Variants in TTC14 observed in about 807,000 individuals in gnomAD.
TTC14 encodes the protein tetratricopeptide repeat domain 14.
TTC14 carries 63 observed loss-of-function variants against 79.9 expected under a neutral mutation model. That is an observed-to-expected ratio of 0.79 (90% CI 0.64 to 0.97). TTC14 has a LOEUF of 0.97. Among genes scored for constraint, TTC14 ranks in the 50% least tolerant of loss-of-function variants. TTC14 has a pLI of 0.00. For synonymous variants in TTC14, 335 were observed against 309.6 expected, an observed-to-expected ratio of 1.08 and a Z score of -0.86; for missense variants, 895 against 894.0, an observed-to-expected ratio of 1.00 and a Z score of -0.01.
chr3:180,603,541 G>A, intron 3 of TTC14: 1 of 529,882 alleles, frequency 1.9e-6, no homozygotes, highest in Non-Finnish European at 3.4e-6. Flanking sequence ...TAAACTGGTT[G>A]GCAGGCACAG....
intron 3 of TTC14, 100 bp downstream of exon 3, chr3:180,603,423 A>C: frequency 9.8e-7 from 1 of 1,024,470 alleles, no homozygotes; most frequent in Non-Finnish European, 1.5e-6. Flanking sequence ...TATACCTGCC[A>C]AGATGCTTTT....
At chr3:180,607,444 C>T (rs1317724616) in intron 9 of TTC14, among the ~76,000 whole-genome samples, 1 of 152,018 alleles carries the variant, frequency 6.6e-6, no homozygotes, top group East Asian at 1.9e-4. Context: ...TGGACATATA[C>T]CTTTAGTTAC....
chr3:180,616,527 A>G (rs567606077), intron 12 of TTC14: 1 of 1,552,130 alleles, frequency 6.4e-7, no homozygotes, highest in South Asian at 1.3e-5. Flanking sequence ...TGTTGAAAGT[A>G]TGTTTGAAGG....
chr3:180,606,481 A>G lies in TTC14; in HGVS notation c.1050A>G (p.Leu350=), dbSNP rs1473627832. 5.6e-6 allele frequency: 9 copies of G among 1,613,774 alleles called. No individual in the cohort carries two copies. Among genetic ancestry groups the G allele is most frequent in the Non-Finnish European group, 8.5e-7 (1 of 1,179,930 alleles). The change falls in exon 9 of 12, where the codon TTA becomes TTG. Residue 350 remains leucine, a splice_region_variant and synonymous_variant. Coordinates refer to ENST00000296015, the MANE Select transcript of TTC14 (RefSeq NM_133462.4). The part of the protein sequence containing the change: ...NVEALVARGA[L]YATKGSLNKA... ...CTCTATCTTTGTTTCATGTCTCTAG[A>G]TATGCGACAAAAGGAAGTTTGAACA...
intron 3 of TTC14, chr3:180,603,939 C>A: frequency 2.8e-6 from 1 of 363,332 alleles, no homozygotes; most frequent in Non-Finnish European, 5.0e-6. Flanking sequence ...ACCTTTTAGA[C>A]AAATTTTAGT....
rs746505558 is a variant in TTC14, at chr3:180,610,218, A to G, written c.1989A>G (p.Pro663=). 12 of 1,613,930 alleles carry G rather than the reference A, an allele frequency of 7.4e-6. No individual in the cohort carries two copies. Residue 663 remains proline, a synonymous_variant, in exon 12 of 12, where the codon CCA becomes CCG. Coordinates refer to ENST00000296015, the MANE Select transcript of TTC14 (RefSeq NM_133462.4). ...GRKEHYRRWE[P]GSVRHSTSPA... ...AAGAGCACTATAGAAGGTGGGAACC[A>G]GGTTCTGTGAGGCATTCTACCTCAC...
In TTC14 at chr3:180,609,742, C is replaced by G. The variant is rs146810036; in HGVS notation, c.1513C>G (p.His505Asp). The stretch of plus-strand genomic sequence containing the variant: ...TTCTGGTCACAAAAGGCATAAGAAA[C>G]ATAAGAGGAACCGTTCAGAGTCTTC... ...SSSGHKRHKK[H>D]KRNRSESSRS... The change falls in exon 12 of 12, where the codon CAT (histidine) becomes GAT (aspartate). Residue 505 changes from histidine to aspartate, a missense_variant. His to Asp is a moderately conservative substitution (Grantham distance 81). Transcript: ENST00000296015. The G allele has an allele frequency of 6.2e-7, 1 of 1,613,834 alleles. No individual in the cohort carries two copies. The highest frequency in any genetic ancestry group is 1.7e-5 in the Admixed American group (1 of 59,970).
downstream of TTC14, chr3:180,613,996 CAT>C (rs1397008932): frequency 2.5e-5 from 9 of 365,484 alleles, no homozygotes; most frequent in Admixed American, 3.9e-5. Context: ...GAAGGAGACA[CAT>C]GTACATTCGT....
At chr3:180,605,901 A>C (rs917242741) in intron 7 of TTC14, 64 bp downstream of exon 7, 34 of 1,481,690 alleles carry the variant, frequency 2.3e-5, no homozygotes, top group Non-Finnish European at 2.4e-5. Flanking sequence ...CAAGGCAAGC[A>C]TGCTTATATC....
At chr3:180,609,596 T>G (rs748185179) in intron 11 of TTC14, 34 bp from the exon 12 acceptor site, 1 of 1,472,100 alleles carries the variant, frequency 6.8e-7, no homozygotes, top group Admixed American at 2.5e-5. Flanking sequence ...GAAACATTTT[T>G]GTATATATAT....
intron 12 of TTC14, chr3:180,616,288 A>G: frequency 6.2e-7 from 1 of 1,613,010 alleles, no homozygotes; most frequent in Non-Finnish European, 8.5e-7. Flanking sequence ...TACCTTGCTG[A>G]TAGTGAAGTA....
chr3:180,617,597 A>C, exon 13 of TTC14: 1 of 422,222 alleles, frequency 2.4e-6, no homozygotes, highest in Non-Finnish European at 4.2e-6. Context: ...TATGTGTCTT[A>C]GTTTTTAACA....
Position 180,606,295 on chromosome 3 carries a change from G to T in TTC14, c.972G>T (p.Val324=). 6.2e-7 allele frequency: 1 copy of T among 1,614,082 alleles called. No homozygotes were observed. The highest frequency in any genetic ancestry group is 1.1e-5 in the South Asian group (1 of 91,074). Residue 324 remains valine, a synonymous_variant, in exon 8 of 12, where the codon GTG becomes GTT. Coordinates refer to ENST00000296015, the MANE Select transcript of TTC14 (RefSeq NM_133462.4). Reference sequence around the variant, plus strand: ...ACTATTTTAAAGTTGGACGCCATGTGGATGCTATGAATGAATACAATAAAG... The same window carrying T: ...ACTATTTTAAAGTTGGACGCCATGTTGATGCTATGAATGAATACAATAAAG... ...GVDYFKVGRH[V]DAMNEYNKAL...
At chr3:180,606,215 T>C (rs1716672999) in intron 7 of TTC14, 38 bp from the exon 8 acceptor site, 1 of 1,606,774 alleles carries the variant, frequency 6.2e-7, no homozygotes, top group Admixed American at 1.7e-5. Flanking sequence ...TAGATATTGT[T>C]TGAAGTGTTT....
At position 180,606,363 on chromosome 3, in the gene TTC14, G is replaced by A. The variant is rs1477591019; in HGVS notation, c.1040G>A (p.Arg347His). Residue 347 changes from arginine (R) to histidine (H), a missense_variant, in exon 8 of 12, where the codon CGT becomes CAT. By Grantham distance (29) the Arg-to-His change is conservative. Transcript: ENST00000296015. ...CAAAACGTGGAAGCTTTGGTAGCTC[G>A]TGGAGCATTGTAAGTGAATCATACA... ...DKQNVEALVA[R>H]GALYATKGSL... The A allele has an allele frequency of 6.8e-6, 11 of 1,614,082 alleles. No individual in the cohort carries two copies. Among genetic ancestry groups the A allele is most frequent in the Admixed American group, 1.7e-5 (1 of 60,018 alleles).
rs749332106 is a variant in TTC14, at chr3:180,604,934, G to C, written c.784G>C (p.Val262Leu). 6.2e-7 allele frequency: 1 copy of C among 1,614,022 alleles called. No homozygotes were observed. Among genetic ancestry groups the C allele is most frequent in the Non-Finnish European group, 8.5e-7 (1 of 1,179,924 alleles). The change falls in exon 6 of 12, where the codon GTA (valine) becomes CTA (leucine). Residue 262 changes from valine (V) to leucine (L), a missense_variant. Transcript: ENST00000296015. ...QSSLGFVNPG[V>L]VEFLLEKLGI... ...TTCCTTGGGATTTGTTAATCCAGGA[G>C]TAGTTGAATTCCTTCTAGAAAAACT...
rs138114640 is a variant in TTC14 at position 180,604,253 on chromosome 3, C to T, written c.515C>T (p.Ser172Phe). 3.4e-3 allele frequency: 5,457 copies of T among 1,613,508 alleles called. 15 individuals are homozygous for T. Among genetic ancestry groups the T allele is most frequent in the Non-Finnish European group, 4.3e-3 (5,064 of 1,179,670 alleles). Residue 172 changes from serine (S) to phenylalanine (F), a missense_variant, in exon 4 of 12, where the codon TCT becomes TTT. Ser to Phe is a radical substitution (Grantham distance 155, BLOSUM62 -2). Transcript: ENST00000296015. ...CTTTGTCCCTTAAGAGATGTGCCTT[C>T]TCACAGTAACCATGGGGATCCTTTA... ...TALCPLRDVP[S>F]HSNHGDPLSY...
Position 180,610,987 on chromosome 3 carries a change from G to T in TTC14, c.*445G>T. On this transcript the variant is annotated 3_prime_UTR_variant, in exon 12 of 12. Coordinates refer to ENST00000296015, the MANE Select transcript of TTC14 (RefSeq NM_133462.4). ...TCAGCTTTTGAAAGATTATATGTTC[G>T]AATGTTTCTTGAACACTTTTATATT... The T allele has an allele frequency of 1.1e-6, 1 of 942,504 alleles. No homozygotes were observed. The highest frequency in any genetic ancestry group is 1.8e-5 in the African/African-American group (1 of 56,252). 58.4% of individuals were successfully genotyped at this position (942,504 alleles called of 1,614,324 possible). A position where few individuals can be genotyped will look rare whatever the true frequency, so the allele number is the denominator to read the frequency against.
Position 180,605,784 on chromosome 3 carries a change from T to A in TTC14, c.876T>A (p.Asp292Glu), listed in dbSNP as rs1243917977. The A allele has an allele frequency of 6.4e-7, 1 of 1,567,074 alleles. No homozygotes were observed. Among genetic ancestry groups the A allele is most frequent in the Non-Finnish European group, 8.6e-7 (1 of 1,166,804 alleles). ...TTAATAGCAAAAATTTCTCTGAAGA[T>A]GATTTTGCTTCTGCATTGAGAAAAA... ...RGLQSKNFSEDDFASALRKKQ... is the reference protein window; with the variant it reads ...RGLQSKNFSEEDFASALRKKQ... The change falls in exon 7 of 12, where the codon GAT becomes GAA. Residue 292 changes from aspartate (D) to glutamate (E), a missense_variant. By Grantham distance (45) the Asp-to-Glu change is conservative. Transcript: ENST00000296015.
Sources: allele counts gnomAD v4.1 joint callset (sites outside exome capture counted in the v4.1 genomes callset), GRCh38; gene constraint gnomAD v4.1.1; transcripts MANE v1.5; gene names NCBI Gene and HGNC (gene_info 2026-07-23, HGNC 2026-07-21).